The following PCSK2 variants were observed in gnomAD, a reference collection of about 807,000 sequenced individuals.
The protein encoded by PCSK2 is neuroendocrine convertase 2.
PCSK2 carries 14 observed loss-of-function variants against 69.7 expected under a neutral mutation model. The observed-to-expected ratio is 0.20, with a 90% CI of 0.13 to 0.31. The LOEUF is 0.31. Among genes scored for constraint, PCSK2 ranks in the 10% least tolerant of loss-of-function variants. The pLI is 1.00. For missense variants in PCSK2, 544 were observed against 842.5 expected, an observed-to-expected ratio of 0.65 and a Z score of 4.39; for synonymous variants, 307 against 320.7, an observed-to-expected ratio of 0.96 and a Z score of 0.46.
intron 11 of PCSK2, among the ~76,000 whole-genome samples, chr20:17,469,362 C>A (rs184877199): frequency 2.0e-5 from 3 of 152,256 alleles, no homozygotes; most frequent in East Asian, 3.9e-4. Context: ...GAGGTGGGAG[C>A]AGGGGTGAAT....
At chr20:17,364,984 T>C (rs537031729) in intron 4 of PCSK2, among the ~76,000 whole-genome samples, 87 of 152,288 alleles carry the variant, frequency 5.7e-4, no homozygotes, top group Non-Finnish European at 1.0e-3. Flanking sequence ...CTCACCAGAG[T>C]GGCTATAAAC....
chr20:17,234,087 C>T (rs1389730417), intron 1 of PCSK2, among the ~76,000 whole-genome samples: 2 of 152,154 alleles, frequency 1.3e-5, no homozygotes, highest in East Asian at 3.8e-4. Context: ...GGGAGTACTG[C>T]CCAAACTAAT....
chr20:17,347,878 A>G (rs1600510618), intron 2 of PCSK2, among the ~76,000 whole-genome samples: 55 of 3,554 alleles, frequency 0.015, no homozygotes, highest in Admixed American at 0.036. Context: ...AGAAAAAAGA[A>G]AGAAAGAAAG....
rs534082799 is a variant in PCSK2 at position 17,326,365 on chromosome 20, A to T, written c.283-31962A>T. 7.2e-5 allele frequency among the ~76,000 whole-genome samples: 11 copies of T among 152,348 alleles called. No individual in the cohort carries two copies. The South Asian group carries it at 1.0e-3, about 14-fold the overall frequency. On this transcript the variant is annotated intron_variant, in intron 2 of 11. Transcript: ENST00000262545. ...GAAAAGTCTGAAAATTGTCACAGCC[A>T]AGAAGAACCTAAGGAACTATGATGA...
At chr20:17,332,652 GC>G (rs1990235754) in intron 2 of PCSK2, among the ~76,000 whole-genome samples, 1 of 152,082 alleles carries the variant, frequency 6.6e-6, no homozygotes, top group Admixed American at 6.6e-5. Context: ...TGAGAGTGGG[GC>G]CCAGCAATTT....
At chr20:17,356,692 G>A (rs949752790) in intron 2 of PCSK2, among the ~76,000 whole-genome samples, 10 of 152,146 alleles carry the variant, frequency 6.6e-5, no homozygotes, top group South Asian at 2.1e-4. Flanking sequence ...GGAAGATATC[G>A]GGGGCTCACA....
chr20:17,326,097 A>G (rs528261924), intron 2 of PCSK2, among the ~76,000 whole-genome samples: 27 of 152,358 alleles, frequency 1.8e-4, no homozygotes, highest in African/African-American at 6.0e-4. Context: ...ACAACTCAAC[A>G]TGATCAAGTC....
At chr20:17,408,818 G>T (rs2031809638) in intron 5 of PCSK2, among the ~76,000 whole-genome samples, 1 of 152,226 alleles carries the variant, frequency 6.6e-6, no homozygotes, top group Admixed American at 6.5e-5. Context: ...GAAGGAAGAA[G>T]CTGGTTGTGA....
At chr20:17,392,212 G>T (rs1319162999) in intron 5 of PCSK2, among the ~76,000 whole-genome samples, 1 of 152,182 alleles carries the variant, frequency 6.6e-6, no homozygotes, top group African/African-American at 2.4e-5. Flanking sequence ...TTCCTGTGAT[G>T]AAATGACCTG....
chr20:17,465,895 C>T (rs374444171), intron 11 of PCSK2, among the ~76,000 whole-genome samples: 3 of 152,102 alleles, frequency 2.0e-5, no homozygotes, highest in Middle Eastern at 3.2e-3. Flanking sequence ...TCTCAAACTC[C>T]TGGGTTCAAG....
intron 5 of PCSK2, among the ~76,000 whole-genome samples, chr20:17,397,362 C>A (rs2031533480): frequency 6.6e-6 from 1 of 152,188 alleles, no homozygotes; most frequent in Admixed American, 6.5e-5. Flanking sequence ...ATAATTCAGA[C>A]CGTAATATTC....
At chr20:17,444,196 C>G (rs912481600) in intron 8 of PCSK2, among the ~76,000 whole-genome samples, 2 of 152,148 alleles carry the variant, frequency 1.3e-5, no homozygotes, top group Admixed American at 1.3e-4. Flanking sequence ...GCACTTCTTA[C>G]GTTTGTCTTT....
At chr20:17,454,841 G>A (rs948727564) in intron 9 of PCSK2, among the ~76,000 whole-genome samples, 3 of 152,146 alleles carry the variant, frequency 2.0e-5, no homozygotes, top group Admixed American at 6.5e-5. Flanking sequence ...TCGATCCCAC[G>A]CTCCCACGTG....
rs762323320 is a variant in PCSK2 at position 17,481,645 on chromosome 20, G to A, written c.1492G>A (p.Glu498Lys). The stretch of plus-strand genomic sequence containing the variant: ...CACAACCGACGCCTGTGAGGGGAAG[G>A]AAAATTTTGTCCGCTACCTGGAGCA... Reference protein sequence around the residue: ...TLTTDACEGKENFVRYLEHVQ... With the variant: ...TLTTDACEGKKNFVRYLEHVQ... Residue 498 changes from glutamate (E) to lysine (K), a missense_variant, in exon 12 of 12, where the codon GAA becomes AAA. Physicochemically the swap from Glu to Lys is moderately conservative, Grantham distance 56. Coordinates refer to ENST00000262545, the MANE Select transcript of PCSK2 (RefSeq NM_002594.5). 8.7e-6 allele frequency: 14 copies of A among 1,614,078 alleles called. No homozygotes were observed. Among genetic ancestry groups the A allele is most frequent in the Non-Finnish European group, 1.2e-5 (14 of 1,180,028 alleles).
intron 5 of PCSK2, among the ~76,000 whole-genome samples, chr20:17,370,264 A>G (rs2030719125): frequency 6.6e-6 from 1 of 152,220 alleles, no homozygotes; most frequent in Admixed American, 6.5e-5. Context: ...CATAAAAGAA[A>G]GGATGGTTAC....
At chr20:17,462,477 G>A (rs1288078780) in intron 10 of PCSK2, among the ~76,000 whole-genome samples, 1 of 152,212 alleles carries the variant, frequency 6.6e-6, no homozygotes, top group Admixed American at 6.5e-5. Flanking sequence ...CAGGGGGATT[G>A]AGGATCACAG....
chr20:17,240,595 G>T (rs1433535529), intron 1 of PCSK2, among the ~76,000 whole-genome samples: 1 of 152,166 alleles, frequency 6.6e-6, no homozygotes, highest in Non-Finnish European at 1.5e-5. Context: ...AATATCATGT[G>T]CTACACAGAG....
chr20:17,240,018 T>C (rs1477665907), intron 1 of PCSK2, among the ~76,000 whole-genome samples: 1 of 151,774 alleles, frequency 6.6e-6, no homozygotes, highest in Non-Finnish European at 1.5e-5. Context: ...CATACCCAGC[T>C]AAATTTTGTA....
At chr20:17,474,774 T>A (rs980138161) in intron 11 of PCSK2, among the ~76,000 whole-genome samples, 3 of 152,058 alleles carry the variant, frequency 2.0e-5, no homozygotes, top group African/African-American at 7.2e-5. Flanking sequence ...GTCAAAGTGG[T>A]CGCCGGCCTA....
Sources: allele counts gnomAD v4.1 joint callset (sites outside exome capture counted in the v4.1 genomes callset), GRCh38; gene constraint gnomAD v4.1.1; transcripts MANE v1.5; gene names NCBI Gene and HGNC (gene_info 2026-07-23, HGNC 2026-07-21).